The following ESRRG variants were observed in gnomAD, a reference collection of about 807,000 sequenced individuals.
ESRRG encodes estrogen related receptor gamma.
ESRRG carries 13 observed loss-of-function variants against 44.0 expected under a neutral mutation model. The ratio of observed to expected loss-of-function variants is 0.30; its 90% CI spans 0.19 to 0.47. ESRRG has a LOEUF of 0.47. ESRRG is among the 20% of genes least tolerant of loss of function. The pLI is 1.00. For synonymous variants in ESRRG, 215 were observed against 214.6 expected (o/e 1.00, Z -0.02); for missense variants, 395 against 580.6 (o/e 0.68, Z 3.29).
At chr1:216,936,318 A>T (rs1327569045) in intron 2 of ESRRG, among the ~76,000 whole-genome samples, 3 of 152,202 alleles carry the variant, frequency 2.0e-5, no homozygotes, top group Non-Finnish European at 4.4e-5. Flanking sequence ...ATGAGAAAAC[A>T]AGTTAGCATG....
intron 5 of ESRRG, among the ~76,000 whole-genome samples, chr1:216,561,437 A>G (rs1281058696): frequency 6.6e-6 from 1 of 152,172 alleles, no homozygotes; most frequent in African/African-American, 2.4e-5. Flanking sequence ...GTGAAATTTC[A>G]GTTCTGATTT....
chr1:216,782,732 T>G (rs78638378), intron 2 of ESRRG, among the ~76,000 whole-genome samples: 2,771 of 152,142 alleles, frequency 0.018, 90 homozygotes, highest in African/African-American at 0.062. Flanking sequence ...GAAAGCCCAC[T>G]GTGAGTTTGA....
chr1:216,995,613 T>A (rs2076276278), intron 1 of ESRRG, among the ~76,000 whole-genome samples: 2 of 152,210 alleles, frequency 1.3e-5, no homozygotes, highest in African/African-American at 4.8e-5. Context: ...CCAGAGGGTA[T>A]CCTGATCCTT....
At chr1:216,729,837 C>CTAGGAGCTCTTTTGATCAGA (rs2088350588) in intron 2 of ESRRG, among the ~76,000 whole-genome samples, 1 of 152,130 alleles carries the variant, frequency 6.6e-6, no homozygotes, top group Non-Finnish European at 1.5e-5. Flanking sequence ...GCTCATTCAC[C>CTAGGAGCTCTTTTGATCAGA]TAGGAGCTCT....
At chr1:216,530,067 G>A (rs767830807) in intron 5 of ESRRG, among the ~76,000 whole-genome samples, 23 of 128,768 alleles carry the variant, frequency 1.8e-4, no homozygotes, top group South Asian at 5.1e-4. Context: ...AGCTAAGATT[G>A]CACAACTGCA....
At chr1:216,647,072 G>A (rs1167085442) in intron 3 of ESRRG, among the ~76,000 whole-genome samples, 1 of 152,074 alleles carries the variant, frequency 6.6e-6, no homozygotes, top group Non-Finnish European at 1.5e-5. Flanking sequence ...AACTGAGCTA[G>A]TATGTCCTGC....
chr1:217,046,708 A>T (rs992277774), intron 1 of ESRRG, among the ~76,000 whole-genome samples: 36 of 152,054 alleles, frequency 2.4e-4, no homozygotes, highest in African/African-American at 8.7e-4. Flanking sequence ...ACATAGTGAG[A>T]CCCCATCTCT....
chr1:216,852,756 A>G (rs1228906423), intron 2 of ESRRG, among the ~76,000 whole-genome samples: 3 of 152,188 alleles, frequency 2.0e-5, no homozygotes, highest in African/African-American at 4.8e-5. Flanking sequence ...ATGTCAGAGA[A>G]TCTAATCCAA....
intron 1 of ESRRG, among the ~76,000 whole-genome samples, chr1:217,027,976 A>G (rs984972819): frequency 6.6e-6 from 1 of 152,212 alleles, no homozygotes; most frequent in African/African-American, 2.4e-5. Flanking sequence ...GGGTTAGAAA[A>G]GAGAACAAAC....
At chr1:216,705,061 A>C (rs2082178805) in intron 1 of ESRRG, among the ~76,000 whole-genome samples, 1 of 152,152 alleles carries the variant, frequency 6.6e-6, no homozygotes, top group Non-Finnish European at 1.5e-5. Flanking sequence ...AACAGTGTCT[A>C]TTTCAGTATA....
At chr1:216,888,095 T>C (rs74447908) in intron 2 of ESRRG, among the ~76,000 whole-genome samples, 1,652 of 152,190 alleles carry the variant, frequency 0.011, 26 homozygotes, top group African/African-American at 0.038. Flanking sequence ...TTTACTGAGG[T>C]CCTCTCATCA....
chr1:216,667,336 T>G (rs903705733), intron 2 of ESRRG, among the ~76,000 whole-genome samples: 3 of 152,152 alleles, frequency 2.0e-5, no homozygotes, highest in Admixed American at 6.5e-5. Context: ...GTAGAATCCA[T>G]GAAATATGGG....
At chr1:216,575,969 G>A (rs1237117313) in intron 3 of ESRRG, among the ~76,000 whole-genome samples, 1 of 151,996 alleles carries the variant, frequency 6.6e-6, no homozygotes, top group Non-Finnish European at 1.5e-5. Context: ...TCACAGCTAT[G>A]AGATTGTGAA....
At chr1:216,860,091 C>A (rs1340768793) in intron 2 of ESRRG, among the ~76,000 whole-genome samples, 2 of 152,220 alleles carry the variant, frequency 1.3e-5, no homozygotes, top group East Asian at 3.9e-4. Context: ...GGGTGAAACT[C>A]CGTCTCCACT....
At chr1:216,596,208 C>T (rs1357395068) in intron 3 of ESRRG, among the ~76,000 whole-genome samples, 2 of 152,174 alleles carry the variant, frequency 1.3e-5, no homozygotes, top group African/African-American at 4.8e-5. Context: ...CCTTACTGCC[C>T]AAAGTAATAA....
chr1:216,552,153 C>T (rs2149396011), intron 5 of ESRRG, among the ~76,000 whole-genome samples: 1 of 152,102 alleles, frequency 6.6e-6, no homozygotes, highest in African/African-American at 2.4e-5. Context: ...AAAACATATT[C>T]ACTGCTATTA....
chr1:216,622,608 T>TTA (rs1553429619), intron 3 of ESRRG, among the ~76,000 whole-genome samples: 9 of 136,842 alleles, frequency 6.6e-5, no homozygotes, highest in African/African-American at 1.1e-4. Context: ...CAAATGAAAA[T>TTA]TACACACACG....
intron 2 of ESRRG, among the ~76,000 whole-genome samples, chr1:216,933,193 C>A (rs982492955): frequency 2.0e-5 from 3 of 151,988 alleles, no homozygotes; most frequent in Non-Finnish European, 2.9e-5. Context: ...TTCCCATTTT[C>A]CAAATTTTCT....
intron 1 of ESRRG, among the ~76,000 whole-genome samples, chr1:217,016,761 G>T (rs2079444345): frequency 6.6e-6 from 1 of 152,064 alleles, no homozygotes; most frequent in South Asian, 2.1e-4. Context: ...GCTATATTTT[G>T]CTATAAATGG....
Sources: gnomAD v4.1 joint callset for allele counts (sites outside exome capture counted in the v4.1 genomes callset) on GRCh38, gnomAD v4.1.1 for gene constraint, MANE v1.5 for transcripts, NCBI Gene and HGNC (gene_info 2026-07-23, HGNC 2026-07-21) for gene names.